Variants in FBN3 observed in about 807,000 individuals in gnomAD.
The protein encoded by FBN3 is fibrillin-3.
A neutral mutation model predicts 330.1 loss-of-function variants in FBN3; 234 were observed. The ratio of observed to expected loss-of-function variants is 0.71; its 90% CI spans 0.64 to 0.79. The LOEUF is 0.79. Among genes scored for constraint, FBN3 ranks in the 30% least tolerant of loss-of-function variants. The pLI is 0.00. For synonymous variants in FBN3, 1,458 were observed against 1,517.3 expected, an observed-to-expected ratio of 0.96 and a Z score of 0.91; for missense variants, 3,606 against 3,886.9, an observed-to-expected ratio of 0.93 and a Z score of 1.92.
In FBN3 at chr19:8,112,074, T is replaced by G. The variant is rs762030716; in HGVS notation, c.3864A>C (p.Gly1288=). 13 of 1,612,806 alleles carry G rather than the reference T, an allele frequency of 8.1e-6. No individual in the cohort carries two copies. The Admixed American group carries it at 2.2e-4, about 27-fold the overall frequency. ...CSDVDECEVG[G]HNCDSHASCL... ...AGGAGGCGTGACTGTCACAGTTGTG[T>G]CCTCCAACCTCGCATTCATCCACAT... is the stretch of plus-strand genomic sequence containing the variant. Residue 1288 remains glycine, a synonymous_variant, in exon 31 of 64, where the codon GGA becomes GGC. Transcript: ENST00000600128.
Position 8,080,952 on chromosome 19 carries a change from C to CT in FBN3, c.7453+50dup, listed in dbSNP as rs1429442064. ...GATATTTTTTTGGTGAGCAAAATAACTAATGCTGGGGTCATGGGTCACCTC... is the reference window on the plus strand; with the variant it reads ...GATATTTTTTTGGTGAGCAAAATAACTTAATGCTGGGGTCATGGGTCACCTC... On this transcript the variant is annotated intron_variant, in intron 59 of 63. Coordinates refer to ENST00000600128, the MANE Select transcript of FBN3 (RefSeq NM_032447.5). The CT allele has an allele frequency of 6.1e-6, 8 of 1,314,170 alleles. No individual in the cohort carries two copies. In the African/African-American group the frequency reaches 8.8e-5, roughly 14 times the overall value. The allele number at this position is 1,314,170 out of a possible 1,614,324, so 81.4% of individuals were successfully genotyped here.
chr19:8,090,138 A>C lies in FBN3; in HGVS notation c.6145T>G (p.Trp2049Gly), dbSNP rs562245600. The C allele has an allele frequency of 8.1e-6, 13 of 1,613,770 alleles. No individual in the cohort carries two copies. In the African/African-American group the frequency reaches 1.7e-4, roughly 22 times the overall value. The part of the protein sequence containing the change: ...CCCSKRPGEG[W>G]GDPCELCPQE... Reference sequence around the variant, plus strand: ...GGACACAGTTCGCAGGGGTCTCCCCAGCCCTCCCCAGGCCTCTTACTGCAG... The same window carrying C: ...GGACACAGTTCGCAGGGGTCTCCCCCGCCCTCCCCAGGCCTCTTACTGCAG... The change falls in exon 49 of 64, where the codon TGG becomes GGG. Residue 2049 changes from tryptophan to glycine, a missense_variant. Transcript: ENST00000600128.
At chr19:8,135,936 G>GGGGGGGGGGGCCGCCCCCCCCCC in intron 13 of FBN3, 25 bp downstream of exon 13, 1 of 668,778 alleles carries the variant, frequency 1.5e-6, no homozygotes, top group Non-Finnish European at 2.4e-6. Context: ...GGAAGCCCCT[G>GGGGGGGGGGGCCGCCCCCCCCCC]CCCACCCGCC....
In FBN3 at chr19:8,083,245, A is replaced by C. The variant is rs1599288477; in HGVS notation, c.7213+2T>G. 6.2e-7 allele frequency: 1 copy of C among 1,613,992 alleles called. No homozygotes were observed. The highest frequency in any genetic ancestry group is 8.5e-7 in the Non-Finnish European group (1 of 1,180,020). On this transcript the variant is annotated splice_donor_variant, in intron 57 of 63. Coordinates refer to ENST00000600128, the MANE Select transcript of FBN3 (RefSeq NM_032447.5). LOFTEE classifies it high-confidence loss of function. ...GGTGCAGGTGCAGAGGGCTGGGCTC[A>C]CCCAGGCAGGTAGTAGCAGTAGCAT... is the stretch of plus-strand genomic sequence containing the variant.
At chr19:8,141,485 G>A (rs1599445773) in intron 8 of FBN3, among the ~76,000 whole-genome samples, 1 of 152,238 alleles carries the variant, frequency 6.6e-6, no homozygotes, top group East Asian at 1.9e-4. Flanking sequence ...CCAGGCTGCT[G>A]GCAAAACCTT....
intron 50 of FBN3, 40 bp downstream of exon 50, chr19:8,089,854 G>A (rs781211656): frequency 1.9e-6 from 3 of 1,558,324 alleles, no homozygotes. Flanking sequence ...GGATCTGGGT[G>A]GCCCAGAAGG....
intron 47 of FBN3, among the ~76,000 whole-genome samples, chr19:8,091,953 G>A (rs538926377): frequency 4.6e-5 from 7 of 151,900 alleles, no homozygotes; most frequent in East Asian, 1.9e-4. Context: ...AGGTGGAGGC[G>A]GGTGGATCAC....
intron 18 of FBN3, among the ~76,000 whole-genome samples, chr19:8,128,030 A>G (rs905837291): frequency 6.6e-6 from 1 of 152,108 alleles, no homozygotes; most frequent in African/African-American, 2.4e-5. Flanking sequence ...AATAAAGGAT[A>G]TTACAAATGA....
At chr19:8,148,829 T>G (rs1438614568) in intron 1 of FBN3, 2 of 152,250 alleles carry the variant, frequency 1.3e-5, no homozygotes, top group African/African-American at 4.8e-5. Flanking sequence ...CGCCCTCTTT[T>G]TCTTCTCAGT....
At chr19:8,105,284 G>T (rs866804241) in intron 38 of FBN3, among the ~76,000 whole-genome samples, 12 of 149,122 alleles carry the variant, frequency 8.0e-5, no homozygotes, top group African/African-American at 3.0e-4. Context: ...TTAAGACAGG[G>T]TCTCGTTCTG....
rs2082902690 is a variant in FBN3 at position 8,123,471 on chromosome 19, G to C, written c.3075C>G (p.Asn1025Lys). ...GGCAGAGGTGGCACCTACCTGTGCA[G>C]TTCCGTTCCTGGGCATCCAGGGCGA... is the stretch of plus-strand genomic sequence containing the variant. Reference protein sequence around the residue: ...GGFALDAQERNCTDIDECRIS... With the variant: ...GGFALDAQERKCTDIDECRIS... Residue 1025 changes from asparagine to lysine, a missense_variant, in exon 24 of 64, where the codon AAC becomes AAG. Coordinates refer to ENST00000600128, the MANE Select transcript of FBN3 (RefSeq NM_032447.5). 1 of 1,613,762 alleles carries C rather than the reference G, an allele frequency of 6.2e-7. No homozygotes were observed. The highest frequency in any genetic ancestry group is 1.7e-5 in the Admixed American group (1 of 59,948).
chr19:8,082,387 C>T (rs1568365141), intron 57 of FBN3, among the ~76,000 whole-genome samples: 3 of 148,552 alleles, frequency 2.0e-5, no homozygotes, highest in African/African-American at 7.5e-5. Flanking sequence ...TCTCTTCTTT[C>T]TTCTCTTTTT....
At chr19:8,117,104 G>A (rs1452761972) in intron 28 of FBN3, 65 bp downstream of exon 28, 6 of 1,597,904 alleles carry the variant, frequency 3.8e-6, no homozygotes, top group Non-Finnish European at 4.3e-6. Context: ...GCCAGTGCAG[G>A]ACCCAGCCAA....
At chr19:8,099,965 G>C (rs2082292971) in intron 41 of FBN3, among the ~76,000 whole-genome samples, 1 of 150,764 alleles carries the variant, frequency 6.6e-6, no homozygotes, top group Non-Finnish European at 1.5e-5. Context: ...AGTTGAGATA[G>C]TGCCATTGCA....
chr19:8,109,879 T>C lies in FBN3; in HGVS notation c.4334-126A>G, dbSNP rs2082538182. The C allele has an allele frequency of 1.9e-6, 2 of 1,052,774 alleles. No homozygotes were observed. The highest frequency in any genetic ancestry group is 2.6e-6 in the Non-Finnish European group (2 of 768,022). 65.2% of individuals were successfully genotyped at this position (1,052,774 alleles called of 1,614,324 possible). On this transcript the variant is annotated intron_variant, in intron 34 of 63. Coordinates refer to ENST00000600128, the MANE Select transcript of FBN3 (RefSeq NM_032447.5). This position sits in a 1 kb window ranked among gnomAD's most constrained non-coding sequence, Gnocchi z 5.2. ...TCCTGGGCACCAGATTGTGGGACAA[T>C]GTCATGTCCTTCCCTGGGAAGAAAC...
At chr19:8,119,811 G>A (rs2082795388) in intron 25 of FBN3, among the ~76,000 whole-genome samples, 1 of 111,542 alleles carries the variant, frequency 9.0e-6, no homozygotes, top group African/African-American at 3.4e-5. Context: ...ACCGAGCCCA[G>A]CCTTTTTTTT....
At chr19:8,104,760 T>C (rs2082401807) in intron 38 of FBN3, among the ~76,000 whole-genome samples, 1 of 152,174 alleles carries the variant, frequency 6.6e-6, no homozygotes, top group Non-Finnish European at 1.5e-5. Context: ...GCCATGATTA[T>C]TCAATCTGCC....
At position 8,085,409 on chromosome 19, in the gene FBN3, G is replaced by C; in HGVS notation, c.7041C>G (p.Tyr2347Ter). 1 of 1,577,404 alleles carries C rather than the reference G, an allele frequency of 6.3e-7. No homozygotes were observed. The highest frequency in any genetic ancestry group is 8.6e-7 in the Non-Finnish European group (1 of 1,164,022). The change falls in exon 56 of 64, where the codon TAC becomes TAG. Residue 2347 changes from tyrosine to a stop codon, truncating the protein, a stop_gained. Transcript: ENST00000600128. LOFTEE classifies it high-confidence loss of function. ...ELCPLPGTSA[Y>*]RKLCPHGSGY... ...CTGAGCCATGGGGGCACAGCTTCCT[G>C]TAGGCAGAGGTGCCGGGCAGGGGAC...
At chr19:8,133,195 G>A in intron 13 of FBN3, 89 bp from the exon 14 acceptor site, 2 of 1,445,892 alleles carry the variant, frequency 1.4e-6, no homozygotes, top group East Asian at 2.5e-5. Context: ...TGACCCCCCA[G>A]GATCCCTCCC....
Sources: allele counts gnomAD v4.1 joint callset (sites outside exome capture counted in the v4.1 genomes callset), GRCh38; gene constraint gnomAD v4.1.1; non-coding constraint Gnocchi (gnomAD v3.1); transcripts MANE v1.5; gene names NCBI Gene and HGNC (gene_info 2026-07-23, HGNC 2026-07-21).